The following LHFPL2 variants were observed in gnomAD, a reference collection of about 807,000 sequenced individuals.
The protein encoded by LHFPL2 is LHFPL tetraspan subfamily member 2, also known as LHFPL tetraspan subfamily member 2 protein.
Under a neutral mutation model 17.5 loss-of-function variants are expected in LHFPL2, and 7 were observed. The observed-to-expected ratio is 0.40, with a 90% CI of 0.23 to 0.75. The LOEUF (loss-of-function observed/expected upper bound fraction) is 0.75. Ranked by LOEUF, LHFPL2 falls within the 30% of genes least tolerant of loss-of-function variation. The pLI is 0.37. For missense variants in LHFPL2, 241 were observed against 294.8 expected (o/e 0.82, Z 1.34); for synonymous variants, 134 against 116.2 (o/e 1.15, Z -0.99).
At chr5:78,529,314 C>T (rs563518477) in intron 3 of LHFPL2, among the ~76,000 whole-genome samples, 15 of 152,224 alleles carry the variant, frequency 9.9e-5, no homozygotes, top group South Asian at 4.2e-4. Context: ...TAAAAGTTTG[C>T]GCAGACCAAC....
At chr5:78,628,522 C>CG (rs1561372387) in intron 2 of LHFPL2, among the ~76,000 whole-genome samples, 3 of 152,148 alleles carry the variant, frequency 2.0e-5, no homozygotes, top group Non-Finnish European at 4.4e-5. Context: ...CCTGGTGCTC[C>CG]GCTCAAAGGA....
intron 3 of LHFPL2, among the ~76,000 whole-genome samples, chr5:78,523,772 C>T (rs1265823953): frequency 6.6e-6 from 1 of 152,148 alleles, no homozygotes; most frequent in African/African-American, 2.4e-5. Context: ...TTGCGCGCTG[C>T]AGTTTCACTA....
chr5:78,528,177 T>C (rs1454083569), intron 3 of LHFPL2, among the ~76,000 whole-genome samples: 3 of 152,160 alleles, frequency 2.0e-5, no homozygotes, highest in Middle Eastern at 3.2e-3. Context: ...AGTTCTATTG[T>C]TCTAACTCAA....
In LHFPL2 at chr5:78,581,375, T is replaced by G. The variant is rs1439095917; in HGVS notation, c.-244-16504A>C. Among the ~76,000 whole-genome samples the G allele has an allele frequency of 2.0e-5, 3 of 152,300 alleles. No homozygotes were observed. In the East Asian group the frequency reaches 5.8e-4, roughly 29 times the overall value. On this transcript the variant is annotated intron_variant, in intron 2 of 4. Transcript: ENST00000380345. ...GGGCATCCCTGTCTTGTGCCAGTTT[T>G]CAAAGGGAATGCTTCCAGTTCTTAC...
At chr5:78,614,670 G>A (rs1744537961) in intron 2 of LHFPL2, among the ~76,000 whole-genome samples, 1 of 151,840 alleles carries the variant, frequency 6.6e-6, no homozygotes, top group Non-Finnish European at 1.5e-5. Flanking sequence ...AAAAATAAGA[G>A]CATCAATACA....
chr5:78,562,107 A>T (rs1413913066), intron 3 of LHFPL2, among the ~76,000 whole-genome samples: 3 of 152,234 alleles, frequency 2.0e-5, no homozygotes, highest in African/African-American at 7.2e-5. Flanking sequence ...CATGATACCC[A>T]GTGCCAGGGA....
intron 2 of LHFPL2, among the ~76,000 whole-genome samples, chr5:78,571,262 T>A (rs527244370): frequency 1.2e-4 from 18 of 152,322 alleles, no homozygotes; most frequent in African/African-American, 3.8e-4. Context: ...CGATGCTGCA[T>A]TCTGCAAACC....
At chr5:78,609,860 T>A (rs567054693) in intron 2 of LHFPL2, among the ~76,000 whole-genome samples, 3 of 151,318 alleles carry the variant, frequency 2.0e-5, no homozygotes, top group African/African-American at 7.3e-5. Flanking sequence ...AAAAAAAAAA[T>A]TCTTTTTGTG....
intron 2 of LHFPL2, among the ~76,000 whole-genome samples, chr5:78,597,831 CTGAATTAGTATCTTCATATGCA>C (rs1743879995): frequency 6.6e-6 from 1 of 152,126 alleles, no homozygotes; most frequent in African/African-American, 2.4e-5. Flanking sequence ...ATCATATGCA[CTGAATTAGTATCTTCATATGCA>C]TTGGTATCAC....
At chr5:78,552,295 G>A (rs769789850) in intron 3 of LHFPL2, among the ~76,000 whole-genome samples, 7 of 152,036 alleles carry the variant, frequency 4.6e-5, no homozygotes, top group Non-Finnish European at 7.4e-5. Context: ...CACCATGCCC[G>A]GCTAATTTTG....
chr5:78,516,081 T>C (rs1381439918), intron 3 of LHFPL2, among the ~76,000 whole-genome samples: 1 of 152,140 alleles, frequency 6.6e-6, no homozygotes, highest in Non-Finnish European at 1.5e-5. Context: ...AGGATAGTGT[T>C]GGCACAAAAA....
In LHFPL2 at chr5:78,510,202, G is replaced by A. The variant is rs749593702; in HGVS notation, c.12C>T (p.Val4=). Residue 4 remains valine, a synonymous_variant, in exon 4 of 5, where the codon GTC becomes GTT. Coordinates refer to ENST00000380345, the MANE Select transcript of LHFPL2 (RefSeq NM_005779.3). ...AGAGCATCGAGCGACAGGTGACAAT[G>A]ACATGACACATATTGATGTTCCGGG... is the stretch of plus-strand genomic sequence containing the variant. MCH[V]IVTCRSMLWT... is the part of the protein sequence containing the mutation. 1.1e-5 allele frequency: 17 copies of A among 1,593,410 alleles called. No homozygotes were observed. Among genetic ancestry groups the A allele is most frequent in the Middle Eastern group, 1.7e-4 (1 of 6,008 alleles).
rs1002242155 is a variant in LHFPL2 at position 78,486,903 on chromosome 5, A to G, written c.*1994T>C. The G allele has an allele frequency of 5.3e-5, 8 of 152,186 alleles. No homozygotes were observed. Among genetic ancestry groups the G allele is most frequent in the Non-Finnish European group, 1.2e-4 (8 of 68,024 alleles). 9.4% of individuals were successfully genotyped at this position (152,186 alleles called of 1,614,324 possible). A position where few individuals can be genotyped will look rare whatever the true frequency, so the allele number is the denominator to read the frequency against. On this transcript the variant is annotated 3_prime_UTR_variant, in exon 5 of 5. Transcript: ENST00000380345. ...GAAAGAAAGAAAAGTGAGTCTTCTGATAAGTTTATGGAAAAATTTTGTGTT... is the reference window on the plus strand; with the variant it reads ...GAAAGAAAGAAAAGTGAGTCTTCTGGTAAGTTTATGGAAAAATTTTGTGTT...
chr5:78,633,833 A>G (rs1452935095), intron 1 of LHFPL2, among the ~76,000 whole-genome samples: 1 of 152,126 alleles, frequency 6.6e-6, no homozygotes, highest in Non-Finnish European at 1.5e-5. Context: ...CTCGAGCTTC[A>G]AGGAAAGAGA....
At chr5:78,520,060 G>A (rs529233875) in intron 3 of LHFPL2, among the ~76,000 whole-genome samples, 3 of 151,992 alleles carry the variant, frequency 2.0e-5, no homozygotes, top group Admixed American at 6.5e-5. Context: ...AAGGAAAGTC[G>A]CTGCCACGCT....
chr5:78,594,630 G>C (rs1033098545), intron 2 of LHFPL2, among the ~76,000 whole-genome samples: 3 of 152,188 alleles, frequency 2.0e-5, no homozygotes, highest in African/African-American at 7.2e-5. Context: ...TCACTACACT[G>C]TTTGGGTAGG....
At chr5:78,565,683 A>T (rs1039212000) in intron 2 of LHFPL2, among the ~76,000 whole-genome samples, 2 of 152,250 alleles carry the variant, frequency 1.3e-5, no homozygotes, top group African/African-American at 4.8e-5. Flanking sequence ...CTAGACAAAG[A>T]TACCCATTAA....
intron 3 of LHFPL2, among the ~76,000 whole-genome samples, chr5:78,514,445 G>A (rs16876257): frequency 5.3e-5 from 8 of 152,126 alleles, no homozygotes; most frequent in African/African-American, 1.9e-4. Flanking sequence ...CAAAATGGCT[G>A]GTCTGTGGGA....
intron 2 of LHFPL2, among the ~76,000 whole-genome samples, chr5:78,628,263 T>A (rs545652582): frequency 2.3e-4 from 35 of 152,314 alleles, no homozygotes; most frequent in African/African-American, 8.4e-4. Flanking sequence ...CAAAATTAGA[T>A]AAAATGACCC....
Sources: allele counts gnomAD v4.1 joint callset (sites outside exome capture counted in the v4.1 genomes callset), GRCh38; gene constraint gnomAD v4.1.1; transcripts MANE v1.5; gene names NCBI Gene and HGNC (gene_info 2026-07-23, HGNC 2026-07-21).